The following XIRP2 variants were observed in gnomAD, a reference collection of about 807,000 sequenced individuals.
XIRP2 encodes xin actin-binding repeat-containing protein 2.
XIRP2 carries 236 observed loss-of-function variants against 277.0 expected under a neutral mutation model. The observed-to-expected ratio is 0.85, with a 90% CI of 0.77 to 0.95. The LOEUF (loss-of-function observed/expected upper bound fraction) is 0.95, where lower values mean the gene tolerates loss of function less well. XIRP2 is among the 40% of genes least tolerant of loss of function. The probability of loss-of-function intolerance (pLI) is 0.00; values close to 1 mark genes in which losing one functional copy is unlikely to be tolerated. For missense variants in XIRP2, 4,640 were observed against 4,157.5 expected (o/e 1.12, Z -3.19); for synonymous variants, 1,490 against 1,416.5 (o/e 1.05, Z -1.17).
chr2:166,925,555 T>TTG (rs903147436), intron 2 of XIRP2, among the ~76,000 whole-genome samples: 1 of 144,608 alleles, frequency 6.9e-6, no homozygotes, highest in Non-Finnish European at 1.5e-5. Flanking sequence ...CTGAAAATAT[T>TTG]TGTGTGTGTG....
chr2:167,112,538 C>T (rs1476439041), intron 2 of XIRP2, among the ~76,000 whole-genome samples: 2 of 147,170 alleles, frequency 1.4e-5, no homozygotes, highest in African/African-American at 5.0e-5. Context: ...TATATATATA[C>T]CAGATATTTA....
intron 1 of XIRP2, among the ~76,000 whole-genome samples, chr2:166,901,566 T>G (rs1365119697): frequency 1.3e-5 from 2 of 152,080 alleles, no homozygotes; most frequent in Non-Finnish European, 2.9e-5. Flanking sequence ...TATGTGTGGT[T>G]GGCTCCAAAA....
At chr2:167,050,411 G>A (rs974052108) in intron 2 of XIRP2, among the ~76,000 whole-genome samples, 1 of 152,096 alleles carries the variant, frequency 6.6e-6, no homozygotes, top group African/African-American at 2.4e-5. Context: ...ATTAAATACA[G>A]TTAGCACTAT....
At chr2:167,061,557 C>T (rs1689174559) in intron 2 of XIRP2, among the ~76,000 whole-genome samples, 1 of 151,838 alleles carries the variant, frequency 6.6e-6, no homozygotes, top group Admixed American at 6.6e-5. Flanking sequence ...AAATTCTAAC[C>T]CCCAGTATCC....
chr2:167,057,937 GA>G (rs1373612018), intron 2 of XIRP2, among the ~76,000 whole-genome samples: 2 of 151,906 alleles, frequency 1.3e-5, no homozygotes, highest in African/African-American at 4.8e-5. Flanking sequence ...GAGACAAAAA[GA>G]AAAAGAACTT....
intron 3 of XIRP2, among the ~76,000 whole-genome samples, chr2:167,148,536 A>G (rs1691926789): frequency 6.6e-6 from 1 of 151,800 alleles, no homozygotes; most frequent in Non-Finnish European, 1.5e-5. Flanking sequence ...AAAGAAAGGC[A>G]TAGAGTAATT....
chr2:167,004,133 C>T (rs754224585), intron 2 of XIRP2, among the ~76,000 whole-genome samples: 4 of 151,504 alleles, frequency 2.6e-5, no homozygotes, highest in African/African-American at 4.8e-5. Context: ...AATGAAAACC[C>T]AAATGCCTTT....
At chr2:167,024,368 T>A (rs1292473088) in intron 2 of XIRP2, among the ~76,000 whole-genome samples, 1 of 151,912 alleles carries the variant, frequency 6.6e-6, no homozygotes, top group African/African-American at 2.4e-5. Flanking sequence ...GATGATGGAG[T>A]TTTCTAGATA....
At chr2:167,234,124 G>A (rs952977016) in intron 5 of XIRP2, among the ~76,000 whole-genome samples, 2 of 151,384 alleles carry the variant, frequency 1.3e-5, no homozygotes, top group African/African-American at 2.4e-5. Flanking sequence ...AACTAGCATT[G>A]CTTATTCAGA....
chr2:167,070,215 T>C (rs1481334722), intron 2 of XIRP2, among the ~76,000 whole-genome samples: 4 of 152,036 alleles, frequency 2.6e-5, no homozygotes, highest in African/African-American at 9.7e-5. Flanking sequence ...AAGTCTTCCT[T>C]GTATTTGGAT....
intron 3 of XIRP2, chr2:167,184,412 C>T (rs1349230276): frequency 1.6e-6 from 1 of 623,314 alleles, no homozygotes; most frequent in East Asian, 2.7e-5. Context: ...ATCCTGCTAT[C>T]CTGTGAAATT....
intron 2 of XIRP2, among the ~76,000 whole-genome samples, chr2:166,917,937 A>G (rs1684933876): frequency 6.6e-6 from 1 of 152,024 alleles, no homozygotes; most frequent in Admixed American, 6.6e-5. Flanking sequence ...TGATTTTCAT[A>G]CTCTATCAGG....
chr2:167,251,514 G>T lies in XIRP2; in HGVS notation c.10122G>T (p.Glu3374Asp). The T allele has an allele frequency of 6.2e-7, 1 of 1,613,454 alleles. No homozygotes were observed. Among genetic ancestry groups the T allele is most frequent in the African/African-American group, 1.3e-5 (1 of 74,946 alleles). The change falls in exon 9 of 11, where the codon GAG becomes GAT. Residue 3374 changes from glutamate (E) to aspartate (D), a missense_variant. Glu to Asp is a conservative substitution (Grantham distance 45, BLOSUM62 2). Coordinates refer to ENST00000409195, the MANE Select transcript of XIRP2 (RefSeq NM_152381.6). ...IQQESRTFCKEEFGLTSLGNT... is the reference protein window; with the variant it reads ...IQQESRTFCKDEFGLTSLGNT... The stretch of plus-strand genomic sequence containing the variant: ...AAGAAAGTCGTACATTTTGTAAGGA[G>T]GAATTTGGATTAACATCTTTAGGAA...
intron 1 of XIRP2, among the ~76,000 whole-genome samples, chr2:166,901,046 G>T (rs1574062109): frequency 2.0e-5 from 3 of 152,248 alleles, no homozygotes; most frequent in South Asian, 2.1e-4. Flanking sequence ...CTCAGCCTTT[G>T]CTGATGGGAG....
chr2:166,943,679 T>C (rs908383785), intron 2 of XIRP2, among the ~76,000 whole-genome samples: 2 of 152,240 alleles, frequency 1.3e-5, no homozygotes, highest in African/African-American at 4.8e-5. Context: ...GGGCATATGA[T>C]TGGCCTTAGC....
chr2:167,245,490 A>C lies in XIRP2; in HGVS notation c.4098A>C (p.Glu1366Asp), dbSNP rs1006625529. 6.2e-7 allele frequency: 1 copy of C among 1,613,598 alleles called. No individual in the cohort carries two copies. The highest frequency in any genetic ancestry group is 2.2e-5 in the East Asian group (1 of 44,834). Residue 1366 changes from glutamate to aspartate, a missense_variant, in exon 9 of 11, where the codon GAA becomes GAC. Coordinates refer to ENST00000409195, the MANE Select transcript of XIRP2 (RefSeq NM_152381.6). ...TKPLDSINKS[E>D]TVYVIKSVTQ... is the part of the protein sequence containing the mutation. The stretch of plus-strand genomic sequence containing the variant: ...CATTAGACTCTATTAATAAATCAGA[A>C]ACTGTGTATGTTATTAAATCTGTCA...
intron 2 of XIRP2, among the ~76,000 whole-genome samples, chr2:167,105,692 G>A (rs1329832293): frequency 1.3e-5 from 2 of 151,762 alleles, no homozygotes; most frequent in Non-Finnish European, 3.0e-5. Context: ...GCAGTTAGGG[G>A]GAGCGTATGG....
intron 2 of XIRP2, among the ~76,000 whole-genome samples, chr2:167,069,284 A>G (rs79924901): frequency 0.03 from 4,630 of 152,244 alleles, 76 homozygotes; most frequent in East Asian, 0.058. Flanking sequence ...TTTGATCTGC[A>G]GATGGTTGAA....
In XIRP2 at chr2:167,166,730, G is replaced by A. The variant is rs111833445; in HGVS notation, c.562+30668G>A. Among the ~76,000 whole-genome samples the A allele has an allele frequency of 7.0e-3, 1,067 of 152,194 alleles. 12 individuals are homozygous for A. Among genetic ancestry groups the A allele is most frequent in the African/African-American group, 0.024 (1,007 of 41,532 alleles). ...ACAGCAAGAACTCACTCATCACCAA[G>A]GGCATGTCACTAAGCCATTCATGAG... is the stretch of plus-strand genomic sequence containing the variant. On this transcript the variant is annotated intron_variant, in intron 3 of 10. Transcript: ENST00000409195.
Sources: gnomAD v4.1 joint callset for allele counts (sites outside exome capture counted in the v4.1 genomes callset) on GRCh38, gnomAD v4.1.1 for gene constraint, MANE v1.5 for transcripts, NCBI Gene and HGNC (gene_info 2026-07-23, HGNC 2026-07-21) for gene names.